MAP3K7CL: variants seen among roughly 807,000 people sequenced by gnomAD.
The protein encoded by MAP3K7CL is MAP3K7 C-terminal like.
A neutral mutation model predicts 18.6 loss-of-function variants in MAP3K7CL; 16 were observed. That is an observed-to-expected ratio of 0.86 (90% CI 0.58 to 1.31). The LOEUF (loss-of-function observed/expected upper bound fraction) is 1.31. Among genes scored for constraint, MAP3K7CL ranks in the 50% most tolerant of loss-of-function variants. The pLI is 0.00. For missense variants in MAP3K7CL, 163 were observed against 174.4 expected, an observed-to-expected ratio of 0.93 and a Z score of 0.37; for synonymous variants, 65 against 66.8, an observed-to-expected ratio of 0.97 and a Z score of 0.13.
At chr21:29,094,703 CT>C (rs2086090550) in intron 4 of MAP3K7CL, among the ~76,000 whole-genome samples, 1 of 152,170 alleles carries the variant, frequency 6.6e-6, no homozygotes, top group Admixed American at 6.5e-5. Context: ...AGAAGCTGCC[CT>C]TCCCATACCA....
intron 3 of MAP3K7CL, among the ~76,000 whole-genome samples, chr21:29,151,147 G>A (rs551437363): frequency 7.9e-5 from 12 of 151,980 alleles, no homozygotes; most frequent in African/African-American, 2.9e-4. Context: ...GGCTGTCTAT[G>A]TGCTGCTGGT....
chr21:29,101,157 T>A (rs1320555164), intron 4 of MAP3K7CL, among the ~76,000 whole-genome samples: 1 of 152,168 alleles, frequency 6.6e-6, no homozygotes, highest in Non-Finnish European at 1.5e-5. Flanking sequence ...GTGGCTTCGC[T>A]GGATACCTCA....
At chr21:29,092,358 A>G in intron 3 of MAP3K7CL, 1 of 1,531,602 alleles carries the variant, frequency 6.5e-7, no homozygotes, top group South Asian at 1.1e-5. Context: ...CTTCTCAGGG[A>G]AAAAAAGAAC....
intron 4 of MAP3K7CL, chr21:29,109,056 T>G: frequency 1.3e-6 from 2 of 1,534,226 alleles, no homozygotes; most frequent in Non-Finnish European, 8.7e-7. Flanking sequence ...ATTCGTAACC[T>G]TCCTGGATCC....
intron 4 of MAP3K7CL, among the ~76,000 whole-genome samples, chr21:29,093,184 G>A (rs929574960): frequency 3.9e-5 from 6 of 152,198 alleles, no homozygotes; most frequent in Admixed American, 2.0e-4. Flanking sequence ...GATTACAGGC[G>A]TAAGCCCCTG....
chr21:29,165,635 G>A (rs1468397533), intron 4 of MAP3K7CL, among the ~76,000 whole-genome samples: 2 of 152,184 alleles, frequency 1.3e-5, no homozygotes, highest in Non-Finnish European at 2.9e-5. Flanking sequence ...GCAGCAGTGC[G>A]ATCTTGGCTC....
At chr21:29,087,404 T>C (rs1029899208) in intron 1 of MAP3K7CL, among the ~76,000 whole-genome samples, 6 of 152,200 alleles carry the variant, frequency 3.9e-5, no homozygotes, top group Non-Finnish European at 8.8e-5. Flanking sequence ...CAAATATGTT[T>C]TTTAATTATG....
chr21:29,153,893 T>C (rs1400836475), intron 3 of MAP3K7CL, among the ~76,000 whole-genome samples: 1 of 152,236 alleles, frequency 6.6e-6, no homozygotes, highest in Non-Finnish European at 1.5e-5. Context: ...TTTGGAACCA[T>C]GATTTGACTT....
At chr21:29,148,714 T>G (rs898238128) in intron 2 of MAP3K7CL, among the ~76,000 whole-genome samples, 1 of 152,154 alleles carries the variant, frequency 6.6e-6, no homozygotes, top group African/African-American at 2.4e-5. Flanking sequence ...TGCCTGTTAG[T>G]GTGGTTTGTG....
chr21:29,120,283 A>G (rs887174812), intron 4 of MAP3K7CL, among the ~76,000 whole-genome samples: 1 of 152,148 alleles, frequency 6.6e-6, no homozygotes, highest in Non-Finnish European at 1.5e-5. Flanking sequence ...TTTGGCACCA[A>G]TGAAAAGGTA....
intron 3 of MAP3K7CL, among the ~76,000 whole-genome samples, chr21:29,159,609 G>A (rs1307890154): frequency 6.6e-6 from 1 of 152,168 alleles, no homozygotes; most frequent in Non-Finnish European, 1.5e-5. Flanking sequence ...TAAGATTTCC[G>A]GGGAGTACGG....
At chr21:29,155,796 C>T (rs1391404301) in intron 3 of MAP3K7CL, among the ~76,000 whole-genome samples, 2 of 152,126 alleles carry the variant, frequency 1.3e-5, no homozygotes, top group Non-Finnish European at 2.9e-5. Context: ...AGTATCTCCT[C>T]CTGGGCTGTG....
upstream of MAP3K7CL, among the ~76,000 whole-genome samples, chr21:29,083,198 C>A (rs1047548005): frequency 6.6e-6 from 1 of 152,212 alleles, no homozygotes; most frequent in Non-Finnish European, 1.5e-5. Context: ...GCCCCCTGGA[C>A]TCCAATTTGA....
At chr21:29,140,541 G>A (rs1186387263) in intron 2 of MAP3K7CL, among the ~76,000 whole-genome samples, 5 of 152,166 alleles carry the variant, frequency 3.3e-5, no homozygotes, top group Non-Finnish European at 4.4e-5. Flanking sequence ...TTCAAAGCCC[G>A]GTCCTCAGGA....
chr21:29,144,578 C>T (rs1422143981), intron 2 of MAP3K7CL, among the ~76,000 whole-genome samples: 7 of 152,168 alleles, frequency 4.6e-5, no homozygotes, highest in African/African-American at 1.4e-4. Context: ...GGCTGGGGGA[C>T]ACCCCTTAGT....
At chr21:29,117,388 T>G (rs1431520766) in intron 4 of MAP3K7CL, among the ~76,000 whole-genome samples, 2 of 152,254 alleles carry the variant, frequency 1.3e-5, no homozygotes, top group African/African-American at 4.8e-5. Flanking sequence ...ATACTGTAAT[T>G]CTTAAAATGT....
At chr21:29,128,284 A>C (rs377427413), upstream of MAP3K7CL, 2 of 151,570 alleles carry the variant, frequency 1.3e-5, no homozygotes, top group African/African-American at 4.8e-5. Context: ...AGTCAGACTT[A>C]TTCTAAAAAA....
At chr21:29,079,301 C>T (rs781337996) in intron 1 of MAP3K7CL, among the ~76,000 whole-genome samples, 14 of 152,208 alleles carry the variant, frequency 9.2e-5, no homozygotes, top group Admixed American at 4.6e-4. Flanking sequence ...ACAGGAGAAG[C>T]AGTGCCAAGA....
intron 1 of MAP3K7CL, chr21:29,085,985 A>G (rs2085919112): frequency 6.4e-7 from 1 of 1,551,994 alleles, no homozygotes; most frequent in African/African-American, 1.4e-5. Flanking sequence ...CAGTGAAAAC[A>G]GGGTGGGAAA....
Sources: allele counts gnomAD v4.1 joint callset (sites outside exome capture counted in the v4.1 genomes callset), GRCh38; gene constraint gnomAD v4.1.1; transcripts MANE v1.5; gene names NCBI Gene and HGNC (gene_info 2026-07-23, HGNC 2026-07-21).